Variants in MAPK14 observed in about 807,000 individuals in gnomAD.
MAPK14 encodes mitogen-activated protein kinase 14.
Under a neutral mutation model 49.6 loss-of-function variants are expected in MAPK14, and 16 were observed. That is an observed-to-expected ratio of 0.32 (90% CI 0.22 to 0.49). The LOEUF (loss-of-function observed/expected upper bound fraction) is 0.49. Ranked by LOEUF, MAPK14 falls within the 20% of genes least tolerant of loss-of-function variation. The probability of loss-of-function intolerance (pLI) is 0.99; values close to 1 mark genes in which losing one functional copy is unlikely to be tolerated. For missense variants in MAPK14, 200 were observed against 441.2 expected (o/e 0.45, Z 4.90); for synonymous variants, 142 against 158.0 (o/e 0.90, Z 0.76).
At chr6:36,122,547 T>C in the MAPK14 span, among the ~76,000 whole-genome samples, 1 of 152,022 alleles carries the variant, frequency 6.6e-6, no homozygotes, top group African/African-American at 2.4e-5. Flanking sequence ...ATGAACAAAA[T>C]AGACAAAGCC....
At chr6:36,063,151 C>T (rs1763894926) in intron 3 of MAPK14, among the ~76,000 whole-genome samples, 1 of 152,124 alleles carries the variant, frequency 6.6e-6, no homozygotes, top group Admixed American at 6.5e-5. Flanking sequence ...ATCTACACAC[C>T]TAATCTATAT....
At chr6:36,096,140 A>C (rs918607089) in intron 9 of MAPK14, 74 bp downstream of exon 9, 4 of 1,045,076 alleles carry the variant, frequency 3.8e-6, no homozygotes, top group Non-Finnish European at 4.4e-6. Flanking sequence ...CTGTACTTTG[A>C]CCTGGGTGTG....
intron 8 of MAPK14, among the ~76,000 whole-genome samples, chr6:36,092,939 C>T (rs1274273607): frequency 2.0e-5 from 3 of 152,106 alleles, no homozygotes; most frequent in Admixed American, 6.5e-5. Context: ...ACAAGAGTTA[C>T]TTGAACAACT....
chr6:36,123,303 C>G, the MAPK14 span, among the ~76,000 whole-genome samples: 4 of 152,164 alleles, frequency 2.6e-5, no homozygotes, highest in African/African-American at 9.7e-5. Flanking sequence ...GGTTCTTTCA[C>G]CACCATACGA....
intron 1 of MAPK14, among the ~76,000 whole-genome samples, chr6:36,042,374 G>A (rs879810698): frequency 4.0e-5 from 6 of 151,852 alleles, no homozygotes; most frequent in Non-Finnish European, 8.8e-5. Flanking sequence ...TCAAAGTCTG[G>A]TAAATTTATG....
chr6:36,044,526 A>G (rs562966327), intron 1 of MAPK14, among the ~76,000 whole-genome samples: 1 of 152,328 alleles, frequency 6.6e-6, no homozygotes, highest in East Asian at 1.9e-4. Flanking sequence ...TCTACAAGTC[A>G]GGTGCCCATC....
intron 9 of MAPK14, among the ~76,000 whole-genome samples, chr6:36,100,592 A>G (rs1383293131): frequency 2.0e-5 from 3 of 152,200 alleles, no homozygotes; most frequent in Non-Finnish European, 1.5e-5. Context: ...TCAGAAGGGT[A>G]GTTAACTGAA....
intron 1 of MAPK14, among the ~76,000 whole-genome samples, chr6:36,034,085 ACCT>A (rs918428715): frequency 2.2e-4 from 34 of 152,060 alleles, no homozygotes; most frequent in African/African-American, 8.0e-4. Flanking sequence ...TATGCAGTTA[ACCT>A]CCTCTTGTGA....
At chr6:36,031,997 G>C (rs1292723631) in intron 1 of MAPK14, among the ~76,000 whole-genome samples, 1 of 151,680 alleles carries the variant, frequency 6.6e-6, no homozygotes, top group East Asian at 2.0e-4. Flanking sequence ...GCCCAGGTTG[G>C]TCTCAAACTC....
chr6:36,115,685 T>C (rs1766048306), downstream of MAPK14, among the ~76,000 whole-genome samples: 1 of 152,152 alleles, frequency 6.6e-6, no homozygotes, highest in Non-Finnish European at 1.5e-5. Flanking sequence ...CACAGCACTT[T>C]GGGAGGCTGA....
chr6:36,102,546 A>T, intron 9 of MAPK14, 25 bp from the exon 10 acceptor site: 1 of 1,582,748 alleles, frequency 6.3e-7, no homozygotes, highest in Non-Finnish European at 8.7e-7. Flanking sequence ...GAACAAAGTC[A>T]TTCTGAAAAC....
intron 1 of MAPK14, among the ~76,000 whole-genome samples, chr6:36,031,731 A>G (rs1762551602): frequency 6.6e-6 from 1 of 152,056 alleles, no homozygotes. Context: ...TTGAGAGCAG[A>G]TTTGATTTTA....
intron 8 of MAPK14, among the ~76,000 whole-genome samples, chr6:36,080,096 A>G (rs1764692743): frequency 6.6e-6 from 1 of 152,044 alleles, no homozygotes; most frequent in South Asian, 2.1e-4. Flanking sequence ...GGTGTGTACC[A>G]CCATGTAATT....
chr6:36,083,813 G>A (rs1286603535), intron 8 of MAPK14, among the ~76,000 whole-genome samples: 2 of 152,210 alleles, frequency 1.3e-5, no homozygotes, highest in Non-Finnish European at 2.9e-5. Flanking sequence ...GGATGAGTGA[G>A]ATTTCCCCCA....
intron 6 of MAPK14, 22 bp downstream of exon 6, chr6:36,074,118 C>T: frequency 6.2e-7 from 1 of 1,600,966 alleles, no homozygotes; most frequent in Non-Finnish European, 8.6e-7. Context: ...AGACAGTATT[C>T]ATTGTTTGCT....
chr6:36,038,416 G>C (rs1307019772), intron 1 of MAPK14, among the ~76,000 whole-genome samples: 2 of 152,168 alleles, frequency 1.3e-5, no homozygotes, highest in Non-Finnish European at 2.9e-5. Flanking sequence ...AGATATGCAG[G>C]GATCATGTAG....
At chr6:36,119,807 A>G in the MAPK14 span, among the ~76,000 whole-genome samples, 1 of 152,210 alleles carries the variant, frequency 6.6e-6, no homozygotes, top group Non-Finnish European at 1.5e-5. Flanking sequence ...ACATGTCAGC[A>G]GTGCCGAGGC....
chr6:36,082,554 T>G (rs981059888), intron 8 of MAPK14, among the ~76,000 whole-genome samples: 2 of 152,180 alleles, frequency 1.3e-5, no homozygotes, highest in African/African-American at 4.8e-5. Context: ...AGCTTTCACT[T>G]ATGGTGGTAG....
intron 2 of MAPK14, 83 bp from the exon 3 acceptor site, chr6:36,059,206 A>C: frequency 1.3e-6 from 1 of 795,528 alleles, no homozygotes; most frequent in Non-Finnish European, 1.9e-6. Flanking sequence ...CTGACTCTTT[A>C]AAAAAAAAGA....
Sources: gnomAD v4.1 joint callset for allele counts (sites outside exome capture counted in the v4.1 genomes callset) on GRCh38, gnomAD v4.1.1 for gene constraint, MANE v1.5 for transcripts, NCBI Gene and HGNC (gene_info 2026-07-23, HGNC 2026-07-21) for gene names.